Variants in IL1R2 observed in about 807,000 individuals in gnomAD.
IL1R2 encodes the protein interleukin 1 receptor type 2.
In IL1R2, 46 loss-of-function variants were observed where a neutral mutation model predicts 39.5. The ratio of observed to expected loss-of-function variants is 1.16; its 90% CI spans 0.92 to 1.49. IL1R2 has a LOEUF of 1.49. IL1R2 is among the 40% of genes most tolerant of loss of function. The pLI, the probability that IL1R2 is intolerant of heterozygous loss-of-function variation, is 0.00. For synonymous variants in IL1R2, 207 were observed against 189.6 expected (o/e 1.09, Z -0.75); for missense variants, 537 against 502.0 (o/e 1.07, Z -0.67).
intron 1 of IL1R2, 66 bp downstream of exon 1, chr2:101,992,077 GAGAGAGAGAA>G (rs978542053): frequency 2.1e-5 from 3 of 140,070 alleles, no homozygotes; most frequent in Non-Finnish European, 1.5e-5. Flanking sequence ...GAGAGGGAGA[GAGAGAGAGAA>G]AGAGAGAGAG....
chr2:102,012,503 G>A (rs1371958855), intron 3 of IL1R2, among the ~76,000 whole-genome samples: 2 of 152,044 alleles, frequency 1.3e-5, no homozygotes, highest in Non-Finnish European at 2.9e-5. Flanking sequence ...GGGTATGTGG[G>A]GGGTGGGAGG....
intron 1 of IL1R2, among the ~76,000 whole-genome samples, chr2:101,995,343 A>T (rs1471144518): frequency 6.6e-6 from 1 of 152,048 alleles, no homozygotes; most frequent in Non-Finnish European, 1.5e-5. Flanking sequence ...CCTGGTGTAG[A>T]GAGGACCTCA....
chr2:102,002,772 C>CTATCTATGTT (rs1197596366), intron 1 of IL1R2, among the ~76,000 whole-genome samples: 4 of 151,696 alleles, frequency 2.6e-5, no homozygotes, highest in African/African-American at 9.7e-5. Flanking sequence ...ATATCTATAT[C>CTATCTATGTT]TATATCTATA....
intron 1 of IL1R2, among the ~76,000 whole-genome samples, chr2:102,004,026 T>TCTATGTCTATGTCTATGC (rs1559414199): frequency 6.9e-6 from 1 of 145,136 alleles, no homozygotes; most frequent in Non-Finnish European, 1.5e-5. Context: ...TATGTCTATG[T>TCTATGTCTATGTCTATGC]CTATGTCTAT....
Position 102,009,748 on chromosome 2 carries a change from G to T in IL1R2, c.254G>T (p.Arg85Leu). 1 of 1,614,168 alleles carries T rather than the reference G, an allele frequency of 6.2e-7. No homozygotes were observed. Among genetic ancestry groups the T allele is most frequent in the Non-Finnish European group, 8.5e-7 (1 of 1,180,034 alleles). ...ARTVPGEEET[R>L]MWAQDGALWL... ...ACGGTCCCAGGAGAAGAAGAGACAC[G>T]GATGTGGGCCCAGGACGGTGCTCTG... is the stretch of plus-strand genomic sequence containing the variant. Residue 85 changes from arginine to leucine, a missense_variant, in exon 3 of 9, where the codon CGG becomes CTG. By Grantham distance (102) the Arg-to-Leu change is moderately radical. Transcript: ENST00000332549.
intron 1 of IL1R2, among the ~76,000 whole-genome samples, chr2:102,000,930 T>G (rs1675825766): frequency 1.3e-5 from 2 of 152,172 alleles, no homozygotes; most frequent in Admixed American, 6.5e-5. Flanking sequence ...GCTGGGAGAA[T>G]TTGAAGCCTG....
At position 102,026,227 on chromosome 2, in the gene IL1R2, A is replaced by C. The variant is rs1677739121; in HGVS notation, c.1004A>C (p.Gln335Pro). The C allele has an allele frequency of 6.2e-7, 1 of 1,613,330 alleles. No individual in the cohort carries two copies. The highest frequency in any genetic ancestry group is 8.5e-7 in the Non-Finnish European group (1 of 1,179,616). The change falls in exon 8 of 9, where the codon CAG (glutamine) becomes CCG (proline). Residue 335 changes from glutamine (Q) to proline (P), a missense_variant. Physicochemically the swap from Gln to Pro is moderately conservative, Grantham distance 76. Coordinates refer to ENST00000332549, the MANE Select transcript of IL1R2 (RefSeq NM_004633.4). ...GTTGTCCATAATACCCTGAGTTTTC[A>C]GACACTACGCACCACAGTCAAGGAA... ...KCVVHNTLSF[Q>P]TLRTTVKEAS...
rs185073262 is a variant in IL1R2 at position 102,022,344 on chromosome 2, C to T, written c.751+95C>T. ...GGGACCCTTGCGTCTGCTGATCATA[C>T]CTGCTCCTTGGGTGCAATGTGCCTG... is the stretch of plus-strand genomic sequence containing the variant. On this transcript the variant is annotated intron_variant, in intron 6 of 8. Transcript: ENST00000332549. 33 of 1,018,534 alleles carry T rather than the reference C, an allele frequency of 3.2e-5. No homozygotes were observed. In the Admixed American group the frequency reaches 5.8e-4, roughly 18 times the overall value. 63.1% of individuals were successfully genotyped at this position (1,018,534 alleles called of 1,614,324 possible). A position where few individuals can be genotyped will look rare whatever the true frequency, so the allele number is the denominator to read the frequency against.
At chr2:102,012,490 G>A (rs987338023) in intron 3 of IL1R2, among the ~76,000 whole-genome samples, 5 of 152,028 alleles carry the variant, frequency 3.3e-5, no homozygotes, top group Admixed American at 2.0e-4. Context: ...TGTGTGTGTG[G>A]CAGGGTATGT....
intron 3 of IL1R2, among the ~76,000 whole-genome samples, chr2:102,010,336 G>A (rs559235528): frequency 1.3e-5 from 2 of 152,226 alleles, no homozygotes; most frequent in South Asian, 2.1e-4. Flanking sequence ...CACTTTGGGC[G>A]GCCGAAGAGG....
intron 3 of IL1R2, among the ~76,000 whole-genome samples, chr2:102,014,095 A>C (rs1223656799): frequency 6.6e-6 from 1 of 152,170 alleles, no homozygotes; most frequent in Non-Finnish European, 1.5e-5. Flanking sequence ...TTACCAGATC[A>C]ATAATGTGAA....
At chr2:102,008,689 G>A (rs763754545) in intron 2 of IL1R2, 47 bp downstream of exon 2, 13 of 1,487,530 alleles carry the variant, frequency 8.7e-6, no homozygotes, top group South Asian at 5.6e-5. Flanking sequence ...CTGTAGCTTC[G>A]CTGGGGAAAG....
At chr2:102,001,191 G>A (rs1253129520) in intron 1 of IL1R2, among the ~76,000 whole-genome samples, 1 of 152,236 alleles carries the variant, frequency 6.6e-6, no homozygotes, top group African/African-American at 2.4e-5. Flanking sequence ...CATGAGTTGA[G>A]TTGGTTGACT....
chr2:102,002,969 T>G (rs1203234289), intron 1 of IL1R2, among the ~76,000 whole-genome samples: 1 of 151,806 alleles, frequency 6.6e-6, no homozygotes, highest in African/African-American at 2.4e-5. Flanking sequence ...TGTGTCTGTG[T>G]TTGTGTCTGT....
rs1020105997 is a variant in IL1R2, at chr2:102,024,753, A to G, written c.887+85A>G. The G allele has an allele frequency of 5.4e-6, 8 of 1,468,322 alleles. No individual in the cohort carries two copies. The African/African-American group carries it at 8.5e-5, about 16-fold the overall frequency. 91.0% of individuals were successfully genotyped at this position (1,468,322 alleles called of 1,614,324 possible). A position where few individuals can be genotyped will look rare whatever the true frequency, so the allele number is the denominator to read the frequency against. On this transcript the variant is annotated intron_variant, in intron 7 of 8. Coordinates refer to ENST00000332549, the MANE Select transcript of IL1R2 (RefSeq NM_004633.4). ...CAGTTATCACTATGACCCACATACC[A>G]CATTAAAAGTTACTTTTTTTGATTC...
In IL1R2 at chr2:102,008,631, C is replaced by CG. The variant is rs1676415647; in HGVS notation, c.58dup (p.Ala20GlyfsTer52). On this transcript the variant is annotated frameshift_variant, in exon 2 of 9. Coordinates refer to ENST00000332549, the MANE Select transcript of IL1R2 (RefSeq NM_004633.4). LOFTEE classifies it high-confidence loss of function. Reference sequence around the variant, plus strand: ...GTTTCTGCCTTCACCCTTCAGCCTGCGGCACACACAGGTTAGAAGTAAACC... The same window carrying CG: ...GTTTCTGCCTTCACCCTTCAGCCTGCGGGCACACACAGGTTAGAAGTAAACC... 4 of 1,613,636 alleles carry CG rather than the reference C, an allele frequency of 2.5e-6. No individual in the cohort carries two copies. Among genetic ancestry groups the CG allele is most frequent in the Non-Finnish European group, 3.4e-6 (4 of 1,179,634 alleles).
chr2:102,024,533 G>C lies in IL1R2; in HGVS notation c.752G>C (p.Gly251Ala). 6.2e-7 allele frequency: 1 copy of C among 1,613,482 alleles called. No homozygotes were observed. The highest frequency in any genetic ancestry group is 8.5e-7 in the Non-Finnish European group (1 of 1,179,458). The stretch of plus-strand genomic sequence containing the variant: ...ACGTGCTGTGCCTTGCCATCCACAG[G>C]GTCAAGACTGACAATCCCGTGTAAG... ...SPLKTISASLGSRLTIPCKVF... is the reference protein window; with the variant it reads ...SPLKTISASLASRLTIPCKVF... The change falls in exon 7 of 9, where the codon GGG (glycine) becomes GCG (alanine). Residue 251 changes from glycine (G) to alanine (A), a missense_variant and splice_region_variant. By Grantham distance (60) the Gly-to-Ala change is moderately conservative. Coordinates refer to ENST00000332549, the MANE Select transcript of IL1R2 (RefSeq NM_004633.4).
intron 1 of IL1R2, among the ~76,000 whole-genome samples, chr2:102,005,454 G>A (rs1001913068): frequency 6.6e-6 from 1 of 152,232 alleles, no homozygotes; most frequent in African/African-American, 2.4e-5. Flanking sequence ...AGGCTTGGCT[G>A]TGCGTGACAG....
chr2:102,019,123 G>A (rs530712116), intron 4 of IL1R2, among the ~76,000 whole-genome samples: 1 of 152,202 alleles, frequency 6.6e-6, no homozygotes, highest in South Asian at 2.1e-4. Context: ...AGAACCTTGT[G>A]TCCATATAAA....
Sources: allele counts gnomAD v4.1 joint callset (sites outside exome capture counted in the v4.1 genomes callset), GRCh38; gene constraint gnomAD v4.1.1; transcripts MANE v1.5; gene names NCBI Gene and HGNC (gene_info 2026-07-23, HGNC 2026-07-21).